CUBN: variants seen among roughly 807,000 people sequenced by gnomAD.
CUBN encodes the protein 460 kDa receptor.
CUBN carries 282 observed loss-of-function variants against 405.3 expected under a neutral mutation model. That is an observed-to-expected ratio of 0.70 (90% CI 0.63 to 0.77). The LOEUF (loss-of-function observed/expected upper bound fraction) is 0.77. Among genes scored for constraint, CUBN ranks in the 30% least tolerant of loss-of-function variants. The probability of loss-of-function intolerance (pLI) is 0.00; values close to 1 mark genes in which losing one functional copy is unlikely to be tolerated. For missense variants in CUBN, 4,514 were observed against 4,475.2 expected (o/e 1.01, Z -0.25); for synonymous variants, 1,684 against 1,617.0 (o/e 1.04, Z -0.99).
Position 16,920,131 on chromosome 10 carries a change from C to T in CUBN, c.6653G>A (p.Gly2218Glu). The change falls in exon 44 of 67, where the codon GGG becomes GAG. Residue 2218 changes from glycine (G) to glutamate (E), a missense_variant. Gly to Glu is a moderately conservative substitution (Grantham distance 98). Around this residue, in one of 5 missense-constraint regions of CUBN, gnomAD observed 1,613 missense variants for 1,542.8 expected, o/e 1.05. Coordinates refer to ENST00000377833, the MANE Select transcript of CUBN (RefSeq NM_001081.4). ...AGCATCATGGATGTAGACGTTGCCCCCACAGGCTGTGAGCAAACACACTTA... is the reference window on the plus strand; with the variant it reads ...AGCATCATGGATGTAGACGTTGCCCTCACAGGCTGTGAGCAAACACACTTA... ...IKYEAKSLAC[G>E]GNVYIHDADS... The T allele has an allele frequency of 6.2e-7, 1 of 1,613,798 alleles. No homozygotes were observed.
chr10:16,942,661 G>T (rs911351618), intron 36 of CUBN, among the ~76,000 whole-genome samples: 2 of 152,106 alleles, frequency 1.3e-5, no homozygotes, highest in Non-Finnish European at 2.9e-5. Context: ...CTATAAAAAA[G>T]TTTGGTGGTT....
At chr10:17,088,118 G>T in intron 15 of CUBN, 46 bp downstream of exon 15, 3 of 1,488,430 alleles carry the variant, frequency 2.0e-6, no homozygotes, top group Non-Finnish European at 2.8e-6. Context: ...AGTGCCCTGA[G>T]TCCTAATCAT....
chr10:16,889,935 C>CAAAAAAAAAAAAAAAAAAAAAACA (rs1554788544), intron 55 of CUBN, among the ~76,000 whole-genome samples: 4 of 19,896 alleles, frequency 2.0e-4, no homozygotes, highest in African/African-American at 6.2e-4. Flanking sequence ...GACGCCGTGT[C>CAAAAAAAAAAAAAAAAAAAAAACA]AAAAAAAAAA....
At chr10:16,980,687 G>A (rs1031445375) in intron 31 of CUBN, among the ~76,000 whole-genome samples, 2 of 152,080 alleles carry the variant, frequency 1.3e-5, no homozygotes, top group Non-Finnish European at 2.9e-5. Flanking sequence ...ACCGGTGCCT[G>A]TCGAGGGGTG....
chr10:16,911,716 T>A (rs1309316105), intron 48 of CUBN, among the ~76,000 whole-genome samples: 1 of 152,210 alleles, frequency 6.6e-6, no homozygotes, highest in African/African-American at 2.4e-5. Context: ...TGATTTAAAC[T>A]ATGAAAATAA....
chr10:17,062,439 G>A (rs1331502965), intron 22 of CUBN, among the ~76,000 whole-genome samples: 1 of 152,094 alleles, frequency 6.6e-6, no homozygotes, highest in African/African-American at 2.4e-5. Context: ...TAGTCTCTCA[G>A]GATTCAAATA....
chr10:17,073,441 G>C (rs1206353471), intron 17 of CUBN, among the ~76,000 whole-genome samples: 2 of 124,814 alleles, frequency 1.6e-5, no homozygotes, highest in Non-Finnish European at 3.2e-5. Context: ...TCAATAACCA[G>C]CTCTTTTTTT....
At chr10:17,108,519 C>T (rs4748354) in intron 10 of CUBN, among the ~76,000 whole-genome samples, 146,013 of 152,214 alleles carry the variant, frequency 0.96, 70,068 homozygotes, top group African/African-American at 0.99. Context: ...AGAAATGGAA[C>T]TGGGTCCACT....
rs752388522 is a variant in CUBN at position 16,918,659 on chromosome 10, G to T, written c.6963C>A (p.Ser2321Arg). The T allele has an allele frequency of 1.2e-6, 2 of 1,613,836 alleles. No homozygotes were observed. The highest frequency in any genetic ancestry group is 4.5e-5 in the East Asian group (2 of 44,864). ...TGGCCTTGAATCCCACATGTGTGGG[G>T]CTGTTGTCAGATCGAAATCTCAAAT... is the stretch of plus-strand genomic sequence containing the variant. The part of the protein sequence containing the change: ...VMYLRFRSDN[S>R]PTHVGFKAKY... Residue 2321 changes from serine to arginine, a missense_variant, in exon 45 of 67, where the codon AGC becomes AGA. Physicochemically the swap from Ser to Arg is moderately radical, Grantham distance 110. This residue lies in a region of CUBN where 1,613 missense variants were observed against 1,542.8 expected (regional missense o/e 1.05). Coordinates refer to ENST00000377833, the MANE Select transcript of CUBN (RefSeq NM_001081.4).
intron 27 of CUBN, among the ~76,000 whole-genome samples, chr10:17,035,515 A>G (rs2131808778): frequency 6.6e-6 from 1 of 152,298 alleles, no homozygotes; most frequent in East Asian, 1.9e-4. Context: ...TAAAAGAGTC[A>G]ACTCTTTTCA....
At chr10:16,843,399 GGAT>G (rs2131324635) in intron 60 of CUBN, among the ~76,000 whole-genome samples, 1 of 152,244 alleles carries the variant, frequency 6.6e-6, no homozygotes, top group Admixed American at 6.5e-5. Context: ...TAAAGTGCTA[GGAT>G]TATGTAAGAC....
chr10:17,041,163 T>A lies in CUBN; in HGVS notation c.3887A>T (p.Tyr1296Phe), dbSNP rs1205049030. ...CTGATTTTCAGAATAAGGATTCGGA[T>A]ACCCTATACTCTCTAAGATGCCATA... is the stretch of plus-strand genomic sequence containing the variant. The part of the protein sequence containing the change: ...QTYGILESIG[Y>F]PNPYSENQHC... Residue 1296 changes from tyrosine (Y) to phenylalanine (F), a missense_variant, in exon 27 of 67, where the codon TAT becomes TTT. This residue lies in a region of CUBN where 242 missense variants were observed against 309.0 expected (regional missense o/e 0.78). Coordinates refer to ENST00000377833, the MANE Select transcript of CUBN (RefSeq NM_001081.4). 6.2e-7 allele frequency: 1 copy of A among 1,613,640 alleles called. No individual in the cohort carries two copies. The highest frequency in any genetic ancestry group is 1.3e-5 in the African/African-American group (1 of 74,908).
At chr10:16,895,346 CACACACACACACATATATAT>C (rs1841151770) in intron 54 of CUBN, among the ~76,000 whole-genome samples, 3 of 140,648 alleles carry the variant, frequency 2.1e-5, no homozygotes, top group African/African-American at 6.4e-5. Context: ...TATACACACA[CACACACACACACATATATAT>C]ACACACACAC....
chr10:17,104,517 G>T lies in CUBN; in HGVS notation c.1319C>A (p.Pro440His). 6.2e-7 allele frequency: 1 copy of T among 1,613,718 alleles called. No homozygotes were observed. The highest frequency in any genetic ancestry group is 8.5e-7 in the Non-Finnish European group (1 of 1,179,950). ...TENINECLSN[P>H]CLNGGTCVDG... is the part of the protein sequence containing the mutation. ...AACACAAGTTCCTCCATTCAAACAGGGGTTGCTCAAACACTCATTGATGTT... is the reference window on the plus strand; with the variant it reads ...AACACAAGTTCCTCCATTCAAACAGTGGTTGCTCAAACACTCATTGATGTT... Residue 440 changes from proline to histidine, a missense_variant, in exon 12 of 67, where the codon CCC becomes CAC. Physicochemically the swap from Pro to His is moderately conservative, Grantham distance 77. Transcript: ENST00000377833.
At chr10:16,852,827 A>T (rs2131341318) in intron 59 of CUBN, among the ~76,000 whole-genome samples, 1 of 152,386 alleles carries the variant, frequency 6.6e-6, no homozygotes, top group East Asian at 1.9e-4. Context: ...ACAAACCAAG[A>T]AAATTGCTGC....
chr10:16,961,380 T>C (rs1843212482), intron 31 of CUBN, among the ~76,000 whole-genome samples: 1 of 152,174 alleles, frequency 6.6e-6, no homozygotes, highest in African/African-American at 2.4e-5. Flanking sequence ...TTTTCATACC[T>C]GATGCTTCGA....
chr10:17,119,448 T>A (rs917668484), intron 6 of CUBN, among the ~76,000 whole-genome samples: 38 of 152,032 alleles, frequency 2.5e-4, no homozygotes, highest in Admixed American at 2.1e-3. Flanking sequence ...TCACCTGAGG[T>A]CAGGAGTTTG....
chr10:16,872,218 C>T (rs939766288), intron 58 of CUBN, among the ~76,000 whole-genome samples: 9 of 151,964 alleles, frequency 5.9e-5, no homozygotes, highest in African/African-American at 1.9e-4. Context: ...CCAGCCTGGG[C>T]GACAGAGTGA....
intron 59 of CUBN, among the ~76,000 whole-genome samples, chr10:16,863,211 G>A (rs1307336366): frequency 2.0e-5 from 3 of 152,182 alleles, no homozygotes; most frequent in African/African-American, 7.2e-5. Flanking sequence ...AGATAACCTT[G>A]TCTTTAGGAT....
Sources: gnomAD v4.1 joint callset for allele counts (sites outside exome capture counted in the v4.1 genomes callset) on GRCh38, gnomAD v4.1.1 for gene constraint, gnomAD v4.1.1 regional missense constraint, MANE v1.5 for transcripts, NCBI Gene and HGNC (gene_info 2026-07-23, HGNC 2026-07-21) for gene names.